Variants in PDE4D observed in about 807,000 individuals in gnomAD.
PDE4D encodes 3',5'-cyclic-AMP phosphodiesterase 4D.
A neutral mutation model predicts 87.4 loss-of-function variants in PDE4D; 24 were observed. That is an observed-to-expected ratio of 0.27 (90% CI 0.20 to 0.39). PDE4D has a LOEUF of 0.39. PDE4D is among the 10% of genes least tolerant of loss of function. PDE4D has a pLI of 1.00. For synonymous variants in PDE4D, 384 were observed against 383.2 expected, an observed-to-expected ratio of 1.00 and a Z score of -0.02; for missense variants, 714 against 1,041.0, an observed-to-expected ratio of 0.69 and a Z score of 4.32.
At chr5:59,762,838 G>T (rs1762301278) in intron 1 of PDE4D, among the ~76,000 whole-genome samples, 1 of 119,454 alleles carries the variant, frequency 8.4e-6, no homozygotes, top group Non-Finnish European at 1.7e-5. Flanking sequence ...TACTAAAAAA[G>T]AGCAAACTGC....
chr5:59,952,067 T>A (rs1234286829), intron 3 of PDE4D, among the ~76,000 whole-genome samples: 1 of 152,090 alleles, frequency 6.6e-6, no homozygotes, highest in African/African-American at 2.4e-5. Flanking sequence ...ATGGGGGCAG[T>A]TTCCCCCATC....
intron 1 of PDE4D, among the ~76,000 whole-genome samples, chr5:60,309,057 A>T (rs1313788369): frequency 6.6e-6 from 1 of 152,134 alleles, no homozygotes; most frequent in African/African-American, 2.4e-5. Context: ...TTCTGCCTGG[A>T]TACTCACTGT....
intron 1 of PDE4D, among the ~76,000 whole-genome samples, chr5:60,435,479 G>A (rs1744687372): frequency 6.6e-6 from 1 of 151,922 alleles, no homozygotes; most frequent in Admixed American, 6.6e-5. Flanking sequence ...GTTTACATTT[G>A]GAAGCTTTAT....
chr5:60,120,829 A>C (rs1319788419), intron 2 of PDE4D, among the ~76,000 whole-genome samples: 1 of 152,126 alleles, frequency 6.6e-6, no homozygotes, highest in African/African-American at 2.4e-5. Context: ...TGTCAACTTG[A>C]TTAGATTGAA....
At chr5:58,985,165 T>C (rs1746119961) in intron 11 of PDE4D, among the ~76,000 whole-genome samples, 1 of 152,182 alleles carries the variant, frequency 6.6e-6, no homozygotes, top group Non-Finnish European at 1.5e-5. Context: ...TTCACCCATC[T>C]TGACCTCCCA....
intron 5 of PDE4D, among the ~76,000 whole-genome samples, chr5:59,106,514 G>C (rs1317040786): frequency 6.6e-6 from 1 of 152,206 alleles, no homozygotes; most frequent in Non-Finnish European, 1.5e-5. Flanking sequence ...TGTAATCCCA[G>C]CACTTTGGGA....
At chr5:59,875,293 C>T (rs1167406952) in intron 1 of PDE4D, among the ~76,000 whole-genome samples, 1 of 151,706 alleles carries the variant, frequency 6.6e-6, no homozygotes, top group Non-Finnish European at 1.5e-5. Flanking sequence ...AATCCCATCT[C>T]TACTAGAAAT....
At chr5:60,408,009 T>C (rs567971848) in intron 1 of PDE4D, among the ~76,000 whole-genome samples, 2 of 151,700 alleles carry the variant, frequency 1.3e-5, no homozygotes, top group East Asian at 3.9e-4. Context: ...ATGCTTGGAG[T>C]CCTGAGCTCC....
chr5:60,207,008 G>T (rs1295606258), intron 1 of PDE4D, among the ~76,000 whole-genome samples: 1 of 152,146 alleles, frequency 6.6e-6, no homozygotes, highest in Non-Finnish European at 1.5e-5. Flanking sequence ...ATTTGTTGTA[G>T]GCTAGGGACA....
chr5:59,836,951 C>T (rs1237603052), intron 1 of PDE4D, among the ~76,000 whole-genome samples: 5 of 151,932 alleles, frequency 3.3e-5, no homozygotes, highest in Admixed American at 1.3e-4. Context: ...CTATCTTCCC[C>T]CTACATTCTG....
intron 1 of PDE4D, among the ~76,000 whole-genome samples, chr5:59,723,932 GT>G (rs889073973): frequency 1.3e-5 from 2 of 152,068 alleles, no homozygotes; most frequent in African/African-American, 4.8e-5. Flanking sequence ...ATTCATTGAG[GT>G]TTTCTTTTCT....
At chr5:59,331,209 C>T (rs563060535) in intron 1 of PDE4D, among the ~76,000 whole-genome samples, 2 of 152,220 alleles carry the variant, frequency 1.3e-5, no homozygotes, top group East Asian at 3.9e-4. Context: ...CTAGGGCTGC[C>T]ATTACAAAAT....
chr5:59,561,731 A>T (rs1410035291), intron 1 of PDE4D, among the ~76,000 whole-genome samples: 1 of 151,956 alleles, frequency 6.6e-6, no homozygotes, highest in Admixed American at 6.6e-5. Flanking sequence ...GGAGTTTGAG[A>T]CCAGCCTGAC....
chr5:59,344,573 A>T (rs1340310341), intron 1 of PDE4D, among the ~76,000 whole-genome samples: 3 of 151,788 alleles, frequency 2.0e-5, no homozygotes, highest in Admixed American at 6.6e-5. Context: ...TAATTTTTAA[A>T]TTTTTTGTAG....
At chr5:59,863,545 A>G (rs1315834883) in intron 1 of PDE4D, among the ~76,000 whole-genome samples, 3 of 152,162 alleles carry the variant, frequency 2.0e-5, no homozygotes, top group Admixed American at 6.5e-5. Flanking sequence ...ACTTTTCTCT[A>G]TGAAGGCTAG....
intron 5 of PDE4D, among the ~76,000 whole-genome samples, chr5:59,086,518 A>C (rs1198234673): frequency 6.6e-6 from 1 of 151,868 alleles, no homozygotes; most frequent in East Asian, 1.9e-4. Context: ...TTGTTTTTTT[A>C]GTCTACTCAT....
chr5:59,700,502 GA>G (rs952012957), intron 1 of PDE4D, among the ~76,000 whole-genome samples: 10 of 152,156 alleles, frequency 6.6e-5, no homozygotes, highest in Admixed American at 2.0e-4. Context: ...TAATATGGGA[GA>G]AAAAAATCAC....
chr5:59,909,803 GT>G (rs1227403577), intron 3 of PDE4D, among the ~76,000 whole-genome samples: 2 of 152,044 alleles, frequency 1.3e-5, no homozygotes, highest in African/African-American at 4.8e-5. Flanking sequence ...TGCTATCCTT[GT>G]CCCCTGTAGA....
intron 1 of PDE4D, among the ~76,000 whole-genome samples, chr5:59,594,292 TTTTA>T (rs142839056): frequency 0.19 from 26,572 of 140,826 alleles, 2,621 homozygotes; most frequent in Middle Eastern, 0.24. Context: ...AACTTTTTTA[TTTTA>T]TTTATTTATT....
Sources: allele counts gnomAD v4.1 joint callset (sites outside exome capture counted in the v4.1 genomes callset), GRCh38; gene constraint gnomAD v4.1.1; transcripts MANE v1.5; gene names NCBI Gene and HGNC (gene_info 2026-07-23, HGNC 2026-07-21).